The following SH3TC1 variants were observed in gnomAD, a reference collection of about 807,000 sequenced individuals.
SH3TC1 encodes the protein SH3 domain and tetratricopeptide repeat-containing protein 1.
A neutral mutation model predicts 117.3 loss-of-function variants in SH3TC1; 135 were observed. The ratio of observed to expected loss-of-function variants is 1.15; its 90% confidence interval spans 1.00 to 1.33. SH3TC1 has a LOEUF of 1.33. SH3TC1 is among the 40% of genes most tolerant of loss of function. The pLI is 0.00. For synonymous variants in SH3TC1, 898 were observed against 816.9 expected (o/e 1.10, Z -1.69); for missense variants, 2,092 against 1,794.3 (o/e 1.17, Z -3.00).
chr4:8,227,583 T>C lies in SH3TC1; in HGVS notation c.1889T>C (p.Leu630Pro). The C allele has an allele frequency of 6.6e-7, 1 of 1,520,900 alleles. No homozygotes were observed. Among genetic ancestry groups the C allele is most frequent in the African/African-American group, 1.4e-5 (1 of 71,816 alleles). The allele number at this position is 1,520,900 out of a possible 1,614,324, so 94.2% of individuals were successfully genotyped here. A position where few individuals can be genotyped will look rare whatever the true frequency, so the allele number is the denominator to read the frequency against. The change falls in exon 12 of 18, where the codon CTG becomes CCG. Residue 630 changes from leucine to proline, a missense_variant. Leu to Pro is a moderately conservative substitution (Grantham distance 98). Coordinates refer to ENST00000245105, the MANE Select transcript of SH3TC1 (RefSeq NM_018986.5). ...CAGGTGGTGCCCAAAGCCATGGCCC[T>C]GCTCCTGGGGACGCCTGACCACATC... ...CAQVVPKAMALLLGTPDHICS... is the reference protein window; with the variant it reads ...CAQVVPKAMAPLLGTPDHICS...
In SH3TC1 at chr4:8,190,595, C is replaced by T. The variant is rs1717386892; in HGVS notation, c.-57+8385C>T. The stretch of plus-strand genomic sequence containing the variant: ...ACTCTCTCGGTCACCCACACCCCAC[C>T]AGCCGGCTGGTCCACAGGGTGTTTC... On this transcript the variant is annotated intron_variant, in intron 1 of 16. Transcript: ENST00000508641. The surrounding 1 kb of genome is among the most constrained non-coding windows in gnomAD (Gnocchi z 4.7). Among the ~76,000 whole-genome samples, 1 of 152,170 alleles carries T rather than the reference C, an allele frequency of 6.6e-6. No individual in the cohort carries two copies. The highest frequency in any genetic ancestry group is 2.1e-4 in the South Asian group (1 of 4,826).
At position 8,186,938 on chromosome 4, in the gene SH3TC1, C is replaced by T. The variant is rs576957369; in HGVS notation, c.-57+4728C>T. Among the ~76,000 whole-genome samples the T allele has an allele frequency of 2.1e-4, 30 of 142,200 alleles. No individual in the cohort carries two copies. The highest frequency in any genetic ancestry group is 1.6e-3 in the East Asian group (8 of 5,010). 93.3% of individuals were successfully genotyped at this position (142,200 alleles called of 152,430 possible). On this transcript the variant is annotated intron_variant, in intron 1 of 16. Transcript: ENST00000508641. This position sits in a 1 kb window ranked among gnomAD's most constrained non-coding sequence, Gnocchi z 5.2. ...CAGCCTGGGTGACAGGGCAAGACTACGTCTCAAAAAAAAAAAAAAAAAAGG... is the reference window on the plus strand; with the variant it reads ...CAGCCTGGGTGACAGGGCAAGACTATGTCTCAAAAAAAAAAAAAAAAAAGG...
upstream of SH3TC1, among the ~76,000 whole-genome samples, chr4:8,196,952 C>T (rs1454333809): frequency 1.3e-5 from 2 of 152,178 alleles, no homozygotes; most frequent in African/African-American, 4.8e-5. The surrounding 1 kb of genome is among the most constrained non-coding windows in gnomAD (Gnocchi z 4.6). Flanking sequence ...GCCTGCTTCA[C>T]AGCTTATGTA....
At chr4:8,193,570 C>G (rs578136053) in intron 1 of SH3TC1, among the ~76,000 whole-genome samples, 5 of 152,334 alleles carry the variant, frequency 3.3e-5, no homozygotes, top group Admixed American at 6.5e-5. Flanking sequence ...TCCTCCCAGG[C>G]CTCCCTTTGC....
At position 8,186,064 on chromosome 4, in the gene SH3TC1, G is replaced by T. The variant is rs769727924; in HGVS notation, c.-57+3854G>T. Among the ~76,000 whole-genome samples the T allele has an allele frequency of 2.3e-4, 35 of 152,168 alleles. No individual in the cohort carries two copies. Among genetic ancestry groups the T allele is most frequent in the Non-Finnish European group, 4.6e-4 (31 of 68,042 alleles). ...TTACGGTGATAGGCAGGAGCTGTCC[G>T]CGCGGGCCCCTCGCTGTTTTACTGT... On this transcript the variant is annotated intron_variant, in intron 1 of 16. Transcript: ENST00000508641. This position sits in a 1 kb window ranked among gnomAD's most constrained non-coding sequence, Gnocchi z 5.2.
chr4:8,227,864 C>T lies in SH3TC1; in HGVS notation c.2170C>T (p.His724Tyr). The T allele has an allele frequency of 1.2e-6, 2 of 1,612,844 alleles. No individual in the cohort carries two copies. Among genetic ancestry groups the T allele is most frequent in the Non-Finnish European group, 1.7e-6 (2 of 1,179,980 alleles). Residue 724 changes from histidine to tyrosine, a missense_variant, in exon 12 of 18, where the codon CAC becomes TAC. Physicochemically the swap from His to Tyr is moderately conservative, Grantham distance 83 (BLOSUM62 2). Transcript: ENST00000245105. ...CATCTACAGCCGCAAGTGCCTGCCC[C>T]ACCTGGTGCTGAGCTGTGTCAAGGT... ...ADIYSRKCLP[H>Y]LVLSCVKVAS...
In SH3TC1 at chr4:8,209,549, C is replaced by G; in HGVS notation, c.173-199C>G. 1 of 1,256,594 alleles carries G rather than the reference C, an allele frequency of 8.0e-7. No homozygotes were observed. Among genetic ancestry groups the G allele is most frequent in the East Asian group, 2.6e-5 (1 of 39,158 alleles). The allele number at this position is 1,256,594 out of a possible 1,614,324, so 77.8% of individuals were successfully genotyped here. A position where few individuals can be genotyped will look rare whatever the true frequency, so the allele number is the denominator to read the frequency against. On this transcript the variant is annotated intron_variant, in intron 2 of 17. Transcript: ENST00000245105. This position sits in a 1 kb window ranked among gnomAD's most constrained non-coding sequence, Gnocchi z 5.9. ...CCTCTGAGTGTGGGGCAGCTTGTCACAGCATGCTGGGAAGTGCAGGCAGCT... is the reference window on the plus strand; with the variant it reads ...CCTCTGAGTGTGGGGCAGCTTGTCAGAGCATGCTGGGAAGTGCAGGCAGCT...
intron 1 of SH3TC1, among the ~76,000 whole-genome samples, chr4:8,194,181 C>A (rs1025326792): frequency 1.3e-5 from 2 of 151,908 alleles, no homozygotes; most frequent in Non-Finnish European, 2.9e-5. Context: ...AAAGGGGCGG[C>A]GGGGGGTGTT....
At chr4:8,238,026 GT>G (rs1304082458) in intron 17 of SH3TC1, among the ~76,000 whole-genome samples, 1 of 152,154 alleles carries the variant, frequency 6.6e-6, no homozygotes, top group Non-Finnish European at 1.5e-5. Flanking sequence ...AGAAAACAGG[GT>G]AGGGAGAAGG....
intron 15 of SH3TC1, chr4:8,235,877 T>C: frequency 2.7e-6 from 1 of 369,820 alleles, no homozygotes; most frequent in Non-Finnish European, 4.9e-6. Context: ...ACACACGGCA[T>C]GCCAGTGGGA....
intron 3 of SH3TC1, 74 bp from the exon 4 acceptor site, chr4:8,212,627 A>C (rs1702391476): frequency 1.3e-6 from 2 of 1,597,444 alleles, no homozygotes; most frequent in East Asian, 2.2e-5. Context: ...GGAGGCTGGC[A>C]GGTGGAGTAC....
At chr4:8,233,999 ATCCT>A (rs1296407287) in intron 14 of SH3TC1, among the ~76,000 whole-genome samples, 9 of 76,476 alleles carry the variant, frequency 1.2e-4, no homozygotes, top group Admixed American at 5.2e-4. Flanking sequence ...TCATCCATCC[ATCCT>A]TCCATTTATC....
chr4:8,201,611 G>A (rs1325221389), intron 1 of SH3TC1: 1 of 152,466 alleles, frequency 6.6e-6, no homozygotes, highest in East Asian at 1.9e-4. Context: ...GTGCAGTGGT[G>A]GCTGGGCCTG....
chr4:8,236,038 C>G (rs750653531), intron 15 of SH3TC1: 77 of 533,668 alleles, frequency 1.4e-4, no homozygotes, highest in Non-Finnish European at 2.1e-4. Context: ...AGTCAGACCC[C>G]TGGTGCCCAG....
intron 13 of SH3TC1, 116 bp downstream of exon 13, chr4:8,232,272 G>C (rs999091353): frequency 3.0e-5 from 44 of 1,451,366 alleles, no homozygotes; most frequent in Non-Finnish European, 2.9e-5. Context: ...GGGATCATTT[G>C]GTTCCTTGGC....
At chr4:8,220,937 T>G (rs1204763826) in intron 9 of SH3TC1, among the ~76,000 whole-genome samples, 4 of 152,254 alleles carry the variant, frequency 2.6e-5, no homozygotes, top group African/African-American at 9.6e-5. Context: ...TCTCACACAC[T>G]GCTCCATCAT....
upstream of SH3TC1, among the ~76,000 whole-genome samples, chr4:8,198,852 T>TG (rs1403632632): frequency 6.6e-6 from 1 of 152,264 alleles, no homozygotes; most frequent in Non-Finnish European, 1.5e-5. Flanking sequence ...CACACACTTG[T>TG]GCTTGTGAGT....
intron 14 of SH3TC1, 35 bp downstream of exon 14, chr4:8,233,548 A>T (rs762911293): frequency 1.9e-6 from 3 of 1,564,590 alleles, no homozygotes; most frequent in Non-Finnish European, 2.6e-6. Flanking sequence ...GCCTCTGCAC[A>T]TGTTCACTCT....
At chr4:8,231,686 C>A in intron 12 of SH3TC1, 2 of 433,704 alleles carry the variant, frequency 4.6e-6, no homozygotes, top group South Asian at 8.5e-5. Flanking sequence ...GGGCTGAAGG[C>A]GGCCCTGGTC....
Sources: allele counts gnomAD v4.1 joint callset (sites outside exome capture counted in the v4.1 genomes callset), GRCh38; gene constraint gnomAD v4.1.1; non-coding constraint Gnocchi (gnomAD v3.1); transcripts MANE v1.5; gene names NCBI Gene and HGNC (gene_info 2026-07-23, HGNC 2026-07-21).